Variants in STX1A observed in about 807,000 individuals in gnomAD.
STX1A encodes syntaxin 1A, also known as syntaxin-1A.
Under a neutral mutation model 37.8 loss-of-function variants are expected in STX1A, and 4 were observed. The observed-to-expected ratio is 0.11, with a 90% CI of 0.05 to 0.24. The LOEUF (loss-of-function observed/expected upper bound fraction) is 0.24. STX1A is among the 10% of genes least tolerant of loss of function. The pLI, the probability that STX1A is intolerant of heterozygous loss-of-function variation, is 1.00. For missense variants in STX1A, 251 were observed against 399.9 expected, an observed-to-expected ratio of 0.63 and a Z score of 3.18; for synonymous variants, 135 against 147.4, an observed-to-expected ratio of 0.92 and a Z score of 0.61.
At chr7:73,704,765 C>T in intron 4 of STX1A, 2 of 508,898 alleles carry the variant, frequency 3.9e-6, no homozygotes, top group Non-Finnish European at 7.2e-6. Context: ...AGCCAGGTGG[C>T]CCCTCCTGCA....
intron 1 of STX1A, among the ~76,000 whole-genome samples, chr7:73,718,108 G>A (rs1799354461): frequency 6.6e-6 from 1 of 152,162 alleles, no homozygotes; most frequent in African/African-American, 2.4e-5. Context: ...CCGTCACCAG[G>A]AAAACACTCA....
chr7:73,714,355 G>A (rs1554618390), intron 1 of STX1A, among the ~76,000 whole-genome samples: 1 of 151,948 alleles, frequency 6.6e-6, no homozygotes, highest in Non-Finnish European at 1.5e-5. Context: ...TGATCCACCC[G>A]CCTCGGTCTC....
chr7:73,710,481 A>C (rs1472069542), intron 1 of STX1A, among the ~76,000 whole-genome samples: 1 of 152,082 alleles, frequency 6.6e-6, no homozygotes, highest in Non-Finnish European at 1.5e-5. Flanking sequence ...GCTGGAGTGC[A>C]GTGGTGTGAT....
chr7:73,700,616 G>T lies in STX1A; in HGVS notation c.789+114C>A. On this transcript the variant is annotated intron_variant, in intron 9 of 9. Transcript: ENST00000222812. The surrounding 1 kb of genome is among the most constrained non-coding windows in gnomAD (Gnocchi z 4.4). Reference sequence around the variant, plus strand: ...GAAGGTGACGGCCTGGGAGGGGGCTGTCATGGGGAGCTCCTGAGAGAAGGG... The same window carrying T: ...GAAGGTGACGGCCTGGGAGGGGGCTTTCATGGGGAGCTCCTGAGAGAAGGG... The T allele has an allele frequency of 6.6e-7, 1 of 1,510,918 alleles. No homozygotes were observed. Among genetic ancestry groups the T allele is most frequent in the Non-Finnish European group, 9.0e-7 (1 of 1,109,488 alleles). The allele number at this position is 1,510,918 out of a possible 1,614,324, so 93.6% of individuals were successfully genotyped here. A position where few individuals can be genotyped will look rare whatever the true frequency, so the allele number is the denominator to read the frequency against.
chr7:73,712,975 C>T (rs1452425139), intron 1 of STX1A, among the ~76,000 whole-genome samples: 1 of 152,158 alleles, frequency 6.6e-6, no homozygotes, highest in Non-Finnish European at 1.5e-5. Flanking sequence ...TCTATATGAT[C>T]TACCTCTAGT....
rs1169668985 is a variant in STX1A, at chr7:73,709,251, G to C, written c.31-129C>G. The C allele has an allele frequency of 1.1e-6, 1 of 870,106 alleles. No homozygotes were observed. Among genetic ancestry groups the C allele is most frequent in the Non-Finnish European group, 1.8e-6 (1 of 553,496 alleles). The allele number at this position is 870,106 out of a possible 1,614,324, so 53.9% of individuals were successfully genotyped here. A position where few individuals can be genotyped will look rare whatever the true frequency, so the allele number is the denominator to read the frequency against. ...CCTGGGGGCCTCTGGGCAGGGACAAGAACAGGCCTGGCTGTTCCGCTCCCA... is the reference window on the plus strand; with the variant it reads ...CCTGGGGGCCTCTGGGCAGGGACAACAACAGGCCTGGCTGTTCCGCTCCCA... On this transcript the variant is annotated intron_variant, in intron 1 of 9. Transcript: ENST00000222812. This position sits in a 1 kb window ranked among gnomAD's most constrained non-coding sequence, Gnocchi z 4.2.
intron 4 of STX1A, 137 bp from the exon 5 acceptor site, chr7:73,704,560 G>A: frequency 9.2e-7 from 1 of 1,090,132 alleles, no homozygotes; most frequent in Non-Finnish European, 1.3e-6. Context: ...TCAGTGCCAG[G>A]CACCGATGGA....
intron 1 of STX1A, 76 bp downstream of exon 1, chr7:73,719,526 G>A: frequency 8.5e-7 from 1 of 1,178,920 alleles, no homozygotes; most frequent in Non-Finnish European, 1.1e-6. Flanking sequence ...CTGGCCGCGG[G>A]AGCCGGGCGG....
At position 73,702,799 on chromosome 7, in the gene STX1A, G is replaced by C; in HGVS notation, c.678+46C>G. On this transcript the variant is annotated intron_variant, in intron 8 of 9. Coordinates refer to ENST00000222812, the MANE Select transcript of STX1A (RefSeq NM_004603.4). The surrounding 1 kb of genome is among the most constrained non-coding windows in gnomAD (Gnocchi z 4.7). ...AAGGGCGAGGTTAGTGCAGCCCTGG[G>C]TGCTGGTGTGGGCTGGAGTGGAGGG... 1.2e-6 allele frequency: 2 copies of C among 1,613,544 alleles called. No individual in the cohort carries two copies. Among genetic ancestry groups the C allele is most frequent in the Non-Finnish European group, 1.7e-6 (2 of 1,179,780 alleles).
chr7:73,705,421 C>T lies in STX1A; in HGVS notation c.209-197G>A, dbSNP rs530847697. 2.5e-4 allele frequency: 147 copies of T among 587,372 alleles called. No homozygotes were observed. The highest frequency in any genetic ancestry group is 2.4e-3 in the African/African-American group (127 of 53,408). 36.4% of individuals were successfully genotyped at this position (587,372 alleles called of 1,614,324 possible). A position where few individuals can be genotyped will look rare whatever the true frequency, so the allele number is the denominator to read the frequency against. On this transcript the variant is annotated intron_variant, in intron 3 of 9. Transcript: ENST00000222812. The surrounding 1 kb of genome is among the most constrained non-coding windows in gnomAD (Gnocchi z 5.2). ...AGGGCTGCACCAGCTGCAGCTTCAC[C>T]CCCTCTTGTGCTGTCTTCGGAGGAG...
Position 73,705,033 on chromosome 7 carries a change from C to T in STX1A, c.283+117G>A, listed in dbSNP as rs1798820278. 2 of 1,018,352 alleles carry T rather than the reference C, an allele frequency of 2.0e-6. No homozygotes were observed. Among genetic ancestry groups the T allele is most frequent in the Admixed American group, 1.8e-5 (1 of 56,778 alleles). 63.1% of individuals were successfully genotyped at this position (1,018,352 alleles called of 1,614,324 possible). A position where few individuals can be genotyped will look rare whatever the true frequency, so the allele number is the denominator to read the frequency against. ...GAGTGAATGGGCACATGACGCCACC[C>T]TCAGAAAGGAAAGCAAGATCCGGCG... On this transcript the variant is annotated intron_variant, in intron 4 of 9. Transcript: ENST00000222812. The surrounding 1 kb of genome is among the most constrained non-coding windows in gnomAD (Gnocchi z 5.2).
intron 1 of STX1A, among the ~76,000 whole-genome samples, chr7:73,718,971 C>G (rs1332971990): frequency 1.3e-5 from 2 of 151,636 alleles, no homozygotes; most frequent in Non-Finnish European, 2.9e-5. Context: ...GCCCCCCCCC[C>G]CATACCTGGG....
chr7:73,710,265 T>G (rs1195567749), intron 1 of STX1A, among the ~76,000 whole-genome samples: 1 of 152,226 alleles, frequency 6.6e-6, no homozygotes, highest in African/African-American at 2.4e-5. Flanking sequence ...GCACAATTAT[T>G]ACTGTCTGCC....
Position 73,719,590 on chromosome 7 carries a change from G to A in STX1A, c.30+12C>T. ...CGGGCGGCGGGCGGCCGCGCGCTGGGGCCGGACTCACCGTGCGGAGCTCCT... is the reference window on the plus strand; with the variant it reads ...CGGGCGGCGGGCGGCCGCGCGCTGGAGCCGGACTCACCGTGCGGAGCTCCT... On this transcript the variant is annotated intron_variant, in intron 1 of 9. Transcript: ENST00000222812. 8.3e-7 allele frequency: 1 copy of A among 1,208,842 alleles called. No homozygotes were observed. Among genetic ancestry groups the A allele is most frequent in the Non-Finnish European group, 1.0e-6 (1 of 968,334 alleles). 74.9% of individuals were successfully genotyped at this position (1,208,842 alleles called of 1,614,324 possible). A position where few individuals can be genotyped will look rare whatever the true frequency, so the allele number is the denominator to read the frequency against.
chr7:73,700,977 A>G lies in STX1A; in HGVS notation c.679-137T>C. 2.0e-6 allele frequency: 3 copies of G among 1,498,170 alleles called. No individual in the cohort carries two copies. Among genetic ancestry groups the G allele is most frequent in the Non-Finnish European group, 1.8e-6 (2 of 1,122,392 alleles). 92.8% of individuals were successfully genotyped at this position (1,498,170 alleles called of 1,614,324 possible). On this transcript the variant is annotated intron_variant, in intron 8 of 9. Coordinates refer to ENST00000222812, the MANE Select transcript of STX1A (RefSeq NM_004603.4). The surrounding 1 kb of genome is among the most constrained non-coding windows in gnomAD (Gnocchi z 4.4). ...TGAGGAGGTTAGGGTACAGCTTCTC[A>G]CCTGGGCCAGGTACCCTGGGTGGGG...
chr7:73,706,172 G>T lies in STX1A; in HGVS notation c.209-948C>A, dbSNP rs782712167. Among the ~76,000 whole-genome samples the T allele has an allele frequency of 2.0e-5, 3 of 152,088 alleles. No homozygotes were observed. The highest frequency in any genetic ancestry group is 4.4e-5 in the Non-Finnish European group (3 of 68,006). Reference sequence around the variant, plus strand: ...TGGGGCTGGGGTTTGTCCTAGAGGGGACAGGGAGGGGTGTTGAGAGTGGTC... The same window carrying T: ...TGGGGCTGGGGTTTGTCCTAGAGGGTACAGGGAGGGGTGTTGAGAGTGGTC... On this transcript the variant is annotated intron_variant, in intron 3 of 9. Coordinates refer to ENST00000222812, the MANE Select transcript of STX1A (RefSeq NM_004603.4). The surrounding 1 kb of genome is among the most constrained non-coding windows in gnomAD (Gnocchi z 4.6).
rs782328797 is a variant in STX1A at position 73,700,436 on chromosome 7, C to T, written c.838G>A (p.Ala280Thr). 16 of 1,613,904 alleles carry T rather than the reference C, an allele frequency of 9.9e-6. No homozygotes were observed. The highest frequency in any genetic ancestry group is 5.5e-5 in the South Asian group (5 of 91,080). ...ICCVILGIVI[A>T]STVGGIFA Reference sequence around the variant, plus strand: ...GCGAAGATGCCCCCAACAGTGGAGGCGATGACGATGCCCAGGATCACACAG... The same window carrying T: ...GCGAAGATGCCCCCAACAGTGGAGGTGATGACGATGCCCAGGATCACACAG... The change falls in exon 10 of 10, where the codon GCC (alanine) becomes ACC (threonine). Residue 280 changes from alanine to threonine, a missense_variant. Ala to Thr is a moderately conservative substitution (Grantham distance 58). This residue lies in a region of STX1A where 214 missense variants were observed against 367.6 expected (regional missense o/e 0.58). Transcript: ENST00000222812. This position sits in a 1 kb window ranked among gnomAD's most constrained non-coding sequence, Gnocchi z 4.4.
intron 7 of STX1A, chr7:73,703,411 A>T (rs1299814052): frequency 1.7e-6 from 1 of 588,836 alleles, no homozygotes; most frequent in Non-Finnish European, 3.2e-6. Context: ...TGTGTGCCAC[A>T]TCCTTCAGGG....
At chr7:73,701,303 A>T (rs556217447) in intron 8 of STX1A, 2 of 258,854 alleles carry the variant, frequency 7.7e-6, no homozygotes, top group Admixed American at 9.7e-5. Flanking sequence ...AGTCTTTAAG[A>T]ACTTGAAGTC....
Sources: gnomAD v4.1 joint callset for allele counts (sites outside exome capture counted in the v4.1 genomes callset) on GRCh38, gnomAD v4.1.1 for gene constraint, gnomAD v4.1.1 regional missense constraint, Gnocchi (gnomAD v3.1) non-coding constraint, MANE v1.5 for transcripts, NCBI Gene and HGNC (gene_info 2026-07-23, HGNC 2026-07-21) for gene names.